Variants in LINGO2 observed in about 807,000 individuals in gnomAD.
LINGO2 encodes the protein leucine-rich repeat and immunoglobulin-like domain-containing nogo receptor-interacting protein 2.
LINGO2 carries 14 observed loss-of-function variants against 30.6 expected under a neutral mutation model. That is an observed-to-expected ratio of 0.46 (90% confidence interval 0.30 to 0.72). The LOEUF (loss-of-function observed/expected upper bound fraction) is 0.72, where lower values mean the gene tolerates loss of function less well. Among genes scored for constraint, LINGO2 ranks in the 30% least tolerant of loss-of-function variants. The probability of loss-of-function intolerance (pLI) is 0.07; values close to 1 mark genes in which losing one functional copy is unlikely to be tolerated. For synonymous variants in LINGO2, 317 were observed against 288.5 expected, an observed-to-expected ratio of 1.10 and a Z score of -1.00; for missense variants, 729 against 751.7, an observed-to-expected ratio of 0.97 and a Z score of 0.35.
chr9:28,157,816 A>T (rs1293375834), intron 4 of LINGO2, among the ~76,000 whole-genome samples: 1 of 152,182 alleles, frequency 6.6e-6, no homozygotes. Context: ...CTCAGGGAAG[A>T]GTCACCTTTG....
chr9:28,252,983 A>C (rs1450468826), intron 4 of LINGO2, among the ~76,000 whole-genome samples: 2 of 152,130 alleles, frequency 1.3e-5, no homozygotes, highest in Non-Finnish European at 2.9e-5. Flanking sequence ...GAATATAATA[A>C]AGGTTTTGTA....
At chr9:28,244,335 G>T (rs937606341) in intron 4 of LINGO2, among the ~76,000 whole-genome samples, 3 of 152,190 alleles carry the variant, frequency 2.0e-5, no homozygotes, top group Non-Finnish European at 4.4e-5. Flanking sequence ...AGTTTTAAGA[G>T]GGAAATTGAT....
chr9:28,823,210 G>A, the LINGO2 span, among the ~76,000 whole-genome samples: 1 of 152,042 alleles, frequency 6.6e-6, no homozygotes, highest in Non-Finnish European at 1.5e-5. Context: ...GACCTTCCTG[G>A]AGTGTGTCAA....
At chr9:28,517,541 G>A (rs754648935) in intron 1 of LINGO2, among the ~76,000 whole-genome samples, 5 of 152,168 alleles carry the variant, frequency 3.3e-5, no homozygotes, top group Non-Finnish European at 5.9e-5. Flanking sequence ...AAACATTTAT[G>A]AGCGTCTACT....
At chr9:29,018,195 G>A in the LINGO2 span, among the ~76,000 whole-genome samples, 2 of 150,572 alleles carry the variant, frequency 1.3e-5, no homozygotes, top group African/African-American at 4.9e-5. Flanking sequence ...AAGAGAAAAC[G>A]GAATAACGAA....
At chr9:28,362,257 T>C (rs896964727) in intron 3 of LINGO2, among the ~76,000 whole-genome samples, 2 of 152,158 alleles carry the variant, frequency 1.3e-5, no homozygotes, top group Admixed American at 6.5e-5. Flanking sequence ...TGCACGTGTG[T>C]GTGTGCATGT....
At chr9:28,996,053 A>G in the LINGO2 span, among the ~76,000 whole-genome samples, 5 of 151,956 alleles carry the variant, frequency 3.3e-5, no homozygotes, top group Admixed American at 6.6e-5. Flanking sequence ...ATATTCAAAA[A>G]TGTCTTCTCC....
At chr9:27,971,297 T>C (rs1820341241) in intron 5 of LINGO2, among the ~76,000 whole-genome samples, 2 of 152,080 alleles carry the variant, frequency 1.3e-5, no homozygotes, top group Admixed American at 1.3e-4. Flanking sequence ...TTCCCCATCT[T>C]TCCCTCTCAC....
At chr9:28,210,843 C>G (rs2133857748) in intron 4 of LINGO2, among the ~76,000 whole-genome samples, 1 of 150,938 alleles carries the variant, frequency 6.6e-6, no homozygotes, top group East Asian at 1.9e-4. Context: ...AACAGGAAGT[C>G]TAAATTTAAG....
At chr9:28,304,440 G>T (rs1166816205) in intron 3 of LINGO2, among the ~76,000 whole-genome samples, 19 of 151,718 alleles carry the variant, frequency 1.3e-4, no homozygotes, top group Non-Finnish European at 2.5e-4. Flanking sequence ...AAGATTTTAT[G>T]TATACACTTG....
At chr9:28,377,062 C>A (rs893046994) in intron 2 of LINGO2, among the ~76,000 whole-genome samples, 3 of 150,712 alleles carry the variant, frequency 2.0e-5, no homozygotes, top group African/African-American at 7.4e-5. Context: ...TAGATATGTA[C>A]AAACACACGT....
At chr9:29,178,030 T>C in the LINGO2 span, among the ~76,000 whole-genome samples, 2 of 151,964 alleles carry the variant, frequency 1.3e-5, no homozygotes, top group South Asian at 4.1e-4. Context: ...TCTGCTCCTT[T>C]TTTCCTAATA....
At chr9:28,137,327 A>G (rs1587062240) in intron 4 of LINGO2, among the ~76,000 whole-genome samples, 2 of 152,212 alleles carry the variant, frequency 1.3e-5, no homozygotes, top group Admixed American at 6.6e-5. Context: ...CTAATTAAAT[A>G]TTTATTAATT....
the LINGO2 span, among the ~76,000 whole-genome samples, chr9:29,082,325 G>A: frequency 6.6e-6 from 1 of 152,134 alleles, no homozygotes; most frequent in African/African-American, 2.4e-5. Context: ...CACAAGAAAT[G>A]GGGAAAGGAT....
chr9:28,291,779 A>G (rs2134170522), intron 4 of LINGO2, among the ~76,000 whole-genome samples: 1 of 152,348 alleles, frequency 6.6e-6, no homozygotes, highest in East Asian at 1.9e-4. Flanking sequence ...CAGAATATTT[A>G]CTTGAGGAAA....
the LINGO2 span, among the ~76,000 whole-genome samples, chr9:28,990,792 GT>G: frequency 6.6e-6 from 1 of 152,170 alleles, no homozygotes; most frequent in African/African-American, 2.4e-5. Flanking sequence ...TGCAGCTGAG[GT>G]TCCTGTCTGT....
chr9:28,079,992 C>G (rs1825729299), intron 4 of LINGO2, among the ~76,000 whole-genome samples: 2 of 152,124 alleles, frequency 1.3e-5, no homozygotes, highest in Admixed American at 1.3e-4. Flanking sequence ...CCCTTTACAC[C>G]CTGCCCATCA....
the LINGO2 span, among the ~76,000 whole-genome samples, chr9:28,969,533 G>A: frequency 6.6e-6 from 1 of 152,152 alleles, no homozygotes; most frequent in African/African-American, 2.4e-5. Context: ...TTTAAAAGAC[G>A]ACTTTGGCTT....
the LINGO2 span, among the ~76,000 whole-genome samples, chr9:29,099,857 C>A: frequency 1.1e-5 from 1 of 88,886 alleles, no homozygotes; most frequent in Non-Finnish European, 2.4e-5. Flanking sequence ...GGTTACCATA[C>A]AATCCATCAA....
Sources: gnomAD v4.1 joint callset for allele counts (sites outside exome capture counted in the v4.1 genomes callset) on GRCh38, gnomAD v4.1.1 for gene constraint, MANE v1.5 for transcripts, NCBI Gene and HGNC (gene_info 2026-07-23, HGNC 2026-07-21) for gene names.